HNRNPF: variants seen among roughly 807,000 people sequenced by gnomAD.
HNRNPF encodes the protein heterogeneous nuclear ribonucleoprotein F.
A neutral mutation model predicts 26.0 loss-of-function variants in HNRNPF; 2 were observed. The observed-to-expected ratio is 0.08, with a 90% CI of 0.03 to 0.24. HNRNPF has a LOEUF of 0.24. HNRNPF is among the 10% of genes least tolerant of loss of function. The pLI is 1.00. For synonymous variants in HNRNPF, 234 were observed against 211.5 expected, an observed-to-expected ratio of 1.11 and a Z score of -0.92; for missense variants, 299 against 539.2, an observed-to-expected ratio of 0.55 and a Z score of 4.41.
At chr10:43,397,408 GAGTC>G (rs1659119693) in intron 1 of HNRNPF, 1 of 152,352 alleles carries the variant, frequency 6.6e-6, no homozygotes. Context: ...GGGAAGGAGA[GAGTC>G]AGGGCGGCGG....
Position 43,387,940 on chromosome 10 carries a change from G to GAAAAA in HNRNPF, c.-52-9_-52-5dup. On this transcript the variant is annotated splice_polypyrimidine_tract_variant and splice_region_variant and intron_variant, in intron 3 of 3. Coordinates refer to ENST00000682386, the MANE Select transcript of HNRNPF (RefSeq NM_001098204.2). This position sits in a 1 kb window ranked among gnomAD's most constrained non-coding sequence, Gnocchi z 6.0. ...CTTGGGTGTGGCTTTTTTGTGGCTGGAAAAAAAAAAAAGAAAAATTTATTT... is the reference window on the plus strand; with the variant it reads ...CTTGGGTGTGGCTTTTTTGTGGCTGGAAAAAAAAAAAAAAAAAGAAAAATTTATTT... 1 of 1,135,892 alleles carries GAAAAA rather than the reference G, an allele frequency of 8.8e-7. No individual in the cohort carries two copies. Among genetic ancestry groups the GAAAAA allele is most frequent in the Non-Finnish European group, 1.2e-6 (1 of 831,958 alleles). 70.4% of individuals were successfully genotyped at this position (1,135,892 alleles called of 1,614,324 possible). A position where few individuals can be genotyped will look rare whatever the true frequency, so the allele number is the denominator to read the frequency against.
intron 1 of HNRNPF, among the ~76,000 whole-genome samples, chr10:43,400,198 T>C (rs1180237103): frequency 6.6e-6 from 1 of 152,072 alleles, no homozygotes. Context: ...AGGAAAAAGA[T>C]AAAAACTGAG....
chr10:43,405,040 A>G (rs1474809231), intron 1 of HNRNPF, among the ~76,000 whole-genome samples: 2 of 152,220 alleles, frequency 1.3e-5, no homozygotes, highest in African/African-American at 4.8e-5. Context: ...CACAGCATCC[A>G]TTCACCACGC....
rs1368403066 is a variant in HNRNPF, at chr10:43,387,834, G to A, written c.51C>T (p.Gly17=). ...CCTCAACAGAGCAGGACCAGGGCAG[G>A]CCACGGAGCTTGACCACAAAGCCTT... ...GGEGFVVKLR[G]LPWSCSVEDV... is the part of the protein sequence containing the mutation. The change falls in exon 4 of 4, where the codon GGC becomes GGT. Residue 17 remains glycine (G), a synonymous_variant. Coordinates refer to ENST00000682386, the MANE Select transcript of HNRNPF (RefSeq NM_001098204.2). This position sits in a 1 kb window ranked among gnomAD's most constrained non-coding sequence, Gnocchi z 6.0. 4.3e-6 allele frequency: 7 copies of A among 1,613,798 alleles called. No individual in the cohort carries two copies. The African/African-American group carries it at 8.0e-5, about 18-fold the overall frequency.
At chr10:43,390,224 G>A (rs934360264) in intron 3 of HNRNPF, among the ~76,000 whole-genome samples, 1 of 152,140 alleles carries the variant, frequency 6.6e-6, no homozygotes, top group Non-Finnish European at 1.5e-5. Context: ...TGGGATAATG[G>A]GTCTGGGACA....
intron 1 of HNRNPF, among the ~76,000 whole-genome samples, chr10:43,402,103 G>A (rs1004274339): frequency 1.3e-5 from 2 of 151,738 alleles, no homozygotes; most frequent in African/African-American, 4.8e-5. Flanking sequence ...AGCAACTTCA[G>A]ATACCACTCC....
Position 43,387,977 on chromosome 10 carries a change from G to T in HNRNPF, c.-52-41C>A. 1 of 1,090,324 alleles carries T rather than the reference G, an allele frequency of 9.2e-7. No individual in the cohort carries two copies. Among genetic ancestry groups the T allele is most frequent in the Non-Finnish European group, 1.3e-6 (1 of 766,442 alleles). The allele number at this position is 1,090,324 out of a possible 1,614,324, so 67.5% of individuals were successfully genotyped here. A position where few individuals can be genotyped will look rare whatever the true frequency, so the allele number is the denominator to read the frequency against. ...AGAAAAATTTATTTAGTATGCAACA[G>T]AAATTTTCCCCATTTTACAGACGAG... is the stretch of plus-strand genomic sequence containing the variant. On this transcript the variant is annotated intron_variant, in intron 3 of 3. Coordinates refer to ENST00000682386, the MANE Select transcript of HNRNPF (RefSeq NM_001098204.2). This position sits in a 1 kb window ranked among gnomAD's most constrained non-coding sequence, Gnocchi z 6.0.
chr10:43,403,992 G>GAA (rs34662897), intron 1 of HNRNPF, among the ~76,000 whole-genome samples: 3 of 140,516 alleles, frequency 2.1e-5, no homozygotes, highest in East Asian at 2.1e-4. Flanking sequence ...ACCCTTTCTC[G>GAA]AAAAAAAAAA....
intron 1 of HNRNPF, 94 bp from the exon 2 acceptor site, chr10:43,396,684 G>A (rs1038139580): frequency 2.0e-5 from 3 of 152,156 alleles, no homozygotes; most frequent in African/African-American, 4.8e-5. Flanking sequence ...GCAGCGCCGA[G>A]GCCCCGAGAC....
In HNRNPF at chr10:43,387,915, C is replaced by A; in HGVS notation, c.-31G>T. 1.3e-6 allele frequency: 2 copies of A among 1,523,102 alleles called. No homozygotes were observed. Among genetic ancestry groups the A allele is most frequent in the South Asian group, 1.3e-5 (1 of 79,866 alleles). The allele number at this position is 1,523,102 out of a possible 1,614,324, so 94.3% of individuals were successfully genotyped here. ...CTTGTCAGGGTGGGTGTCAGGTGAT[C>A]TTGGGTGTGGCTTTTTTGTGGCTGG... On this transcript the variant is annotated 5_prime_UTR_variant, in exon 4 of 4. Coordinates refer to ENST00000682386, the MANE Select transcript of HNRNPF (RefSeq NM_001098204.2). This position sits in a 1 kb window ranked among gnomAD's most constrained non-coding sequence, Gnocchi z 6.0.
At chr10:43,401,051 C>T (rs1838739657) in intron 1 of HNRNPF, among the ~76,000 whole-genome samples, 1 of 151,478 alleles carries the variant, frequency 6.6e-6, no homozygotes, top group African/African-American at 2.4e-5. Flanking sequence ...CACTGCACTC[C>T]AGCCTGGGCG....
At chr10:43,406,065 C>T (rs1838909279) in intron 1 of HNRNPF, among the ~76,000 whole-genome samples, 1 of 152,188 alleles carries the variant, frequency 6.6e-6, no homozygotes, top group Admixed American at 6.5e-5. Flanking sequence ...GCAAGCCCTT[C>T]TGGAGTAGTC....
At chr10:43,391,823 A>G (rs1002015526) in intron 3 of HNRNPF, among the ~76,000 whole-genome samples, 3 of 152,100 alleles carry the variant, frequency 2.0e-5, no homozygotes, top group Non-Finnish European at 4.4e-5. Context: ...GTAATTAAAC[A>G]TGCTCAGTTC....
intron 2 of HNRNPF, among the ~76,000 whole-genome samples, chr10:43,395,123 T>C (rs1445048645): frequency 7.1e-6 from 1 of 140,622 alleles, no homozygotes; most frequent in Non-Finnish European, 1.5e-5. Context: ...GGGAGGAAAT[T>C]TAAATATCGG....
At position 43,397,131 on chromosome 10, in the gene HNRNPF, G is replaced by T. The variant is rs534440909; in HGVS notation, c.-246-541C>A. 728 of 152,386 alleles carry T rather than the reference G, an allele frequency of 4.8e-3. 7 individuals carry two copies. Among genetic ancestry groups the T allele is most frequent in the African/African-American group, 0.017 (702 of 41,552 alleles). The allele number at this position is 152,386 out of a possible 1,614,324, so 9.4% of individuals were successfully genotyped here. A position where few individuals can be genotyped will look rare whatever the true frequency, so the allele number is the denominator to read the frequency against. The stretch of plus-strand genomic sequence containing the variant: ...ACCGGGGCGGCGGAAAGGGACCTGG[G>T]GGGGGCGGCCGGGACTGGAGTGGCG... On this transcript the variant is annotated intron_variant, in intron 1 of 3. Transcript: ENST00000682386.
intron 1 of HNRNPF, among the ~76,000 whole-genome samples, chr10:43,399,235 A>G (rs1838673820): frequency 6.6e-6 from 1 of 151,908 alleles, no homozygotes; most frequent in Non-Finnish European, 1.5e-5. Flanking sequence ...GGTGCATGCC[A>G]CCAAGCCGGG....
intron 1 of HNRNPF, among the ~76,000 whole-genome samples, chr10:43,407,282 C>A (rs1359020562): frequency 6.6e-6 from 1 of 151,618 alleles, no homozygotes; most frequent in Non-Finnish European, 1.5e-5. Context: ...CGCCTCGCGT[C>A]CCGCCACGCA....
At chr10:43,403,972 T>G (rs1217127790) in intron 1 of HNRNPF, among the ~76,000 whole-genome samples, 1 of 148,996 alleles carries the variant, frequency 6.7e-6, no homozygotes, top group African/African-American at 2.5e-5. Flanking sequence ...AGTGTGGGCA[T>G]CAAAGTGAAA....
intron 2 of HNRNPF, among the ~76,000 whole-genome samples, chr10:43,396,138 G>C (rs753492327): frequency 2.6e-5 from 4 of 151,688 alleles, no homozygotes; most frequent in Non-Finnish European, 5.9e-5. Flanking sequence ...CAGGTTGGAC[G>C]GGATTAACGC....
Sources: allele counts gnomAD v4.1 joint callset (sites outside exome capture counted in the v4.1 genomes callset), GRCh38; gene constraint gnomAD v4.1.1; non-coding constraint Gnocchi (gnomAD v3.1); transcripts MANE v1.5; gene names NCBI Gene and HGNC (gene_info 2026-07-23, HGNC 2026-07-21).